Variants in CADM1 observed in about 807,000 individuals in gnomAD.
The protein encoded by CADM1 is TSLC-1.
A neutral mutation model predicts 53.1 loss-of-function variants in CADM1; 15 were observed. The ratio of observed to expected loss-of-function variants is 0.28; its 90% CI spans 0.19 to 0.44. CADM1 has a LOEUF of 0.44. Ranked by LOEUF, CADM1 falls within the 20% of genes least tolerant of loss-of-function variation. The probability of loss-of-function intolerance (pLI) is 1.00; values close to 1 mark genes in which losing one functional copy is unlikely to be tolerated. For missense variants in CADM1, 434 were observed against 611.3 expected, an observed-to-expected ratio of 0.71 and a Z score of 3.06; for synonymous variants, 281 against 243.0, an observed-to-expected ratio of 1.16 and a Z score of -1.45.
intron 1 of CADM1, among the ~76,000 whole-genome samples, chr11:115,293,617 C>G (rs1943968185): frequency 1.3e-5 from 2 of 152,088 alleles, no homozygotes; most frequent in African/African-American, 4.8e-5. Context: ...AGCAAACATA[C>G]AAAATGTTAT....
chr11:115,356,135 T>A (rs1565383798), intron 1 of CADM1, among the ~76,000 whole-genome samples: 1 of 151,808 alleles, frequency 6.6e-6, no homozygotes, highest in Admixed American at 6.6e-5. Context: ...CCGGCTGAGG[T>A]ACACTATAAT....
chr11:115,266,176 G>A (rs1418704675), intron 1 of CADM1, among the ~76,000 whole-genome samples: 3 of 152,144 alleles, frequency 2.0e-5, no homozygotes, highest in Non-Finnish European at 4.4e-5. Flanking sequence ...ATTTCCAGAG[G>A]GGCTGGACTG....
chr11:115,439,394 T>A lies in CADM1; in HGVS notation c.124+64877A>T, dbSNP rs1263820737. ...AGGAGGTATACTAGCTATCCCACCCTGTTTTAGCAACTGTTTTATTACTTC... is the reference window on the plus strand; with the variant it reads ...AGGAGGTATACTAGCTATCCCACCCAGTTTTAGCAACTGTTTTATTACTTC... On this transcript the variant is annotated intron_variant, in intron 1 of 11. Coordinates refer to ENST00000331581, the MANE Select transcript of CADM1 (RefSeq NM_001301043.2). Among the ~76,000 whole-genome samples, 3 of 152,230 alleles carry A rather than the reference T, an allele frequency of 2.0e-5. No homozygotes were observed. The East Asian group carries it at 5.8e-4, about 29-fold the overall frequency.
In CADM1 at chr11:115,422,885, G is replaced by A. The variant is rs141642948; in HGVS notation, c.124+81386C>T. Among the ~76,000 whole-genome samples, 200 of 152,186 alleles carry A rather than the reference G, an allele frequency of 1.3e-3. 1 individual carries two copies. Among genetic ancestry groups the A allele is most frequent in the African/African-American group, 4.5e-3 (187 of 41,534 alleles). On this transcript the variant is annotated intron_variant, in intron 1 of 11. Transcript: ENST00000331581. The stretch of plus-strand genomic sequence containing the variant: ...ACACTCAGAAACGGAAGATTTTCAA[G>A]ATTCTGTTTGTCAGAAAACCCCAAG...
At chr11:115,492,228 A>T (rs1399804928) in intron 1 of CADM1, among the ~76,000 whole-genome samples, 1 of 152,242 alleles carries the variant, frequency 6.6e-6, no homozygotes, top group Non-Finnish European at 1.5e-5. Flanking sequence ...GCAGATATTA[A>T]CAAAGGCTGT....
chr11:115,361,680 C>T (rs1946032571), intron 1 of CADM1, among the ~76,000 whole-genome samples: 2 of 152,012 alleles, frequency 1.3e-5, no homozygotes, highest in South Asian at 2.1e-4. Flanking sequence ...ACAATACACC[C>T]GTGCATGCCA....
At chr11:115,443,543 A>C (rs1424705125) in intron 1 of CADM1, among the ~76,000 whole-genome samples, 1 of 152,196 alleles carries the variant, frequency 6.6e-6, no homozygotes, top group Non-Finnish European at 1.5e-5. Context: ...AAGGCTACCC[A>C]CTGCATGTAA....
At chr11:115,288,334 T>C (rs1943787168) in intron 1 of CADM1, among the ~76,000 whole-genome samples, 1 of 152,166 alleles carries the variant, frequency 6.6e-6, no homozygotes, top group Admixed American at 6.5e-5. Flanking sequence ...AAAAATTACA[T>C]TTTACAGCAA....
intron 8 of CADM1, among the ~76,000 whole-genome samples, chr11:115,205,891 A>C (rs1474732825): frequency 6.6e-6 from 1 of 152,200 alleles, no homozygotes; most frequent in Non-Finnish European, 1.5e-5. Flanking sequence ...CAACAAGTTG[A>C]TACGGCAAGT....
At chr11:115,371,159 CTTTT>C (rs1447299315) in intron 1 of CADM1, among the ~76,000 whole-genome samples, 1 of 151,934 alleles carries the variant, frequency 6.6e-6, no homozygotes, top group Non-Finnish European at 1.5e-5. Flanking sequence ...ATATGTAAGA[CTTTT>C]TTGTTATTTA....
At chr11:115,468,959 A>G (rs1189032452) in intron 1 of CADM1, among the ~76,000 whole-genome samples, 1 of 152,174 alleles carries the variant, frequency 6.6e-6, no homozygotes, top group Non-Finnish European at 1.5e-5. Context: ...AAACCATCAG[A>G]TGTCATGAGA....
chr11:115,261,085 ACAAGCTGTAAGAGAGCCTACCATGAGG>A (rs1942961050), intron 1 of CADM1, among the ~76,000 whole-genome samples: 1 of 151,422 alleles, frequency 6.6e-6, no homozygotes, highest in South Asian at 2.1e-4. Context: ...CCTGAGACTT[ACAAGCTGTAAGAGAGCCTACCATGAGG>A]TAGGCTAAAT....
Position 115,492,886 on chromosome 11 carries a change from G to A in CADM1, c.124+11385C>T, listed in dbSNP as rs192971025. Among the ~76,000 whole-genome samples, 249 of 151,550 alleles carry A rather than the reference G, an allele frequency of 1.6e-3. 1 individual carries two copies. Among genetic ancestry groups the A allele is most frequent in the Non-Finnish European group, 2.8e-3 (191 of 67,864 alleles). On this transcript the variant is annotated intron_variant, in intron 1 of 11. Transcript: ENST00000331581. ...AACACAGGGCCCCTACCCCCATGCA[G>A]CTGAAAATTCACATATAACTTTTTT...
At chr11:115,408,115 G>A (rs912070667) in intron 1 of CADM1, among the ~76,000 whole-genome samples, 4 of 151,730 alleles carry the variant, frequency 2.6e-5, no homozygotes, top group Middle Eastern at 3.2e-3. Flanking sequence ...AAACAGAGCC[G>A]TTTTAAAAAA....
At chr11:115,188,290 CA>C (rs1266491682) in intron 10 of CADM1, among the ~76,000 whole-genome samples, 1 of 152,186 alleles carries the variant, frequency 6.6e-6, no homozygotes, top group Non-Finnish European at 1.5e-5. Context: ...GATCCATCAT[CA>C]ATAAAGTTAA....
chr11:115,486,188 C>T lies in CADM1; in HGVS notation c.124+18083G>A, dbSNP rs200275075. ...CTATTATACTCCTAACCAATCTCTC[C>T]ATTTCTAATGGAAGATCCTCTCAAT... On this transcript the variant is annotated intron_variant, in intron 1 of 11. Coordinates refer to ENST00000331581, the MANE Select transcript of CADM1 (RefSeq NM_001301043.2). Among the ~76,000 whole-genome samples, 5 of 152,252 alleles carry T rather than the reference C, an allele frequency of 3.3e-5. 1 individual carries two copies. The East Asian group carries it at 9.7e-4, about 29-fold the overall frequency.
chr11:115,328,668 A>ATATATATGTG lies in CADM1; in HGVS notation c.125-88249_125-88248insCACATATATA, dbSNP rs1555066887. Reference sequence around the variant, plus strand: ...AAATATATATATACACACGCACACTATATATATATGTGTATATATATGTGT... The same window carrying ATATATATGTG: ...AAATATATATATACACACGCACACTATATATATGTGTATATATATGTGTATATATATGTGT... On this transcript the variant is annotated intron_variant, in intron 1 of 11. Coordinates refer to ENST00000331581, the MANE Select transcript of CADM1 (RefSeq NM_001301043.2). Among the ~76,000 whole-genome samples, 31 of 117,886 alleles carry ATATATATGTG rather than the reference A, an allele frequency of 2.6e-4. 2 individuals carry two copies. Among genetic ancestry groups the ATATATATGTG allele is most frequent in the Admixed American group, 1.7e-3 (17 of 9,764 alleles). 77.3% of individuals were successfully genotyped at this position (117,886 alleles called of 152,430 possible). A position where few individuals can be genotyped will look rare whatever the true frequency, so the allele number is the denominator to read the frequency against.
intron 1 of CADM1, among the ~76,000 whole-genome samples, chr11:115,442,157 C>T (rs1481327290): frequency 6.6e-6 from 1 of 151,660 alleles, no homozygotes; most frequent in Non-Finnish European, 1.5e-5. Flanking sequence ...AAGGATGTCA[C>T]ACTAGATGGA....
chr11:115,329,971 C>T (rs925463945), intron 1 of CADM1, among the ~76,000 whole-genome samples: 7 of 151,030 alleles, frequency 4.6e-5, no homozygotes, highest in Non-Finnish European at 7.4e-5. Flanking sequence ...CTCTTCTGCT[C>T]CTCTGCTCTT....
Sources: allele counts gnomAD v4.1 joint callset (sites outside exome capture counted in the v4.1 genomes callset), GRCh38; gene constraint gnomAD v4.1.1; transcripts MANE v1.5; gene names NCBI Gene and HGNC (gene_info 2026-07-23, HGNC 2026-07-21).